Variants in EXOC6 observed in about 807,000 individuals in gnomAD.
EXOC6 encodes SEC15-like 1.
In EXOC6, 60 loss-of-function variants were observed where a neutral mutation model predicts 112.5. The ratio of observed to expected loss-of-function variants is 0.53; its 90% CI spans 0.43 to 0.66. The LOEUF (loss-of-function observed/expected upper bound fraction) is 0.66. EXOC6 is among the 30% of genes least tolerant of loss of function. The pLI is 0.00. For missense variants in EXOC6, 855 were observed against 957.1 expected (o/e 0.89, Z 1.41); for synonymous variants, 295 against 308.0 (o/e 0.96, Z 0.44).
intron 1 of EXOC6, among the ~76,000 whole-genome samples, chr10:92,849,410 A>T (rs1348630988): frequency 1.3e-5 from 2 of 152,248 alleles, no homozygotes; most frequent in African/African-American, 4.8e-5. Context: ...TAGGTAATGC[A>T]TATTCCATGC....
intron 1 of EXOC6, among the ~76,000 whole-genome samples, chr10:92,881,543 T>C (rs1332579677): frequency 2.6e-5 from 4 of 152,214 alleles, no homozygotes; most frequent in African/African-American, 9.6e-5. Flanking sequence ...CTGCACTTCA[T>C]TTTCAGTTTC....
chr10:92,881,368 C>T (rs551456286), intron 1 of EXOC6, among the ~76,000 whole-genome samples: 2 of 152,186 alleles, frequency 1.3e-5, no homozygotes, highest in African/African-American at 4.8e-5. Flanking sequence ...GAGTGTAGAC[C>T]CTTCCTCTTA....
chr10:92,902,888 G>C (rs1054718064), intron 5 of EXOC6, among the ~76,000 whole-genome samples: 1 of 151,864 alleles, frequency 6.6e-6, no homozygotes, highest in South Asian at 2.1e-4. Flanking sequence ...TTTAAAATTC[G>C]TCTGTGGTTG....
At chr10:92,851,411 C>T (rs1272127037) in intron 1 of EXOC6, among the ~76,000 whole-genome samples, 3 of 151,156 alleles carry the variant, frequency 2.0e-5, no homozygotes, top group Admixed American at 6.6e-5. Context: ...TTTGGGAGGC[C>T]GAGGCAGGCA....
At chr10:92,851,325 A>C (rs1847320527) in intron 1 of EXOC6, among the ~76,000 whole-genome samples, 1 of 152,156 alleles carries the variant, frequency 6.6e-6, no homozygotes, top group African/African-American at 2.4e-5. Context: ...ATAAACCTTT[A>C]GGGGTAGAAA....
At chr10:92,969,444 C>T (rs962683797) in intron 17 of EXOC6, among the ~76,000 whole-genome samples, 5 of 152,118 alleles carry the variant, frequency 3.3e-5, no homozygotes, top group Middle Eastern at 3.2e-3. Context: ...CCCATAGAAC[C>T]TGTGAGTATA....
chr10:92,919,894 A>G, intron 7 of EXOC6, 88 bp from the exon 8 acceptor site: 1 of 744,596 alleles, frequency 1.3e-6, no homozygotes, highest in South Asian at 2.2e-5. Flanking sequence ...AAGTTCATGA[A>G]TCTTCTTGCC....
intron 13 of EXOC6, 179 bp from the exon 14 acceptor site, chr10:92,948,095 G>C (rs1036705950): frequency 7.6e-5 from 37 of 487,006 alleles, no homozygotes; most frequent in Non-Finnish European, 1.2e-4. Context: ...TGAGGGACAA[G>C]ACCTATTTGT....
rs199848798 is a variant in EXOC6 at position 92,904,679 on chromosome 10, C to T, written c.459-4748C>T. On this transcript the variant is annotated intron_variant, in intron 5 of 21. Coordinates refer to ENST00000260762, the MANE Select transcript of EXOC6 (RefSeq NM_019053.6). ...AAGTGTGCTTTTTATATTTTGGATT[C>T]AAGTCCTTGATTCAATTTGTGTTTC... 2.0e-5 allele frequency among the ~76,000 whole-genome samples: 3 copies of T among 151,976 alleles called. No homozygotes were observed. In the East Asian group the frequency reaches 5.8e-4, roughly 29 times the overall value.
chr10:92,888,413 T>C (rs1012449149), intron 1 of EXOC6, among the ~76,000 whole-genome samples: 4 of 152,188 alleles, frequency 2.6e-5, no homozygotes, highest in African/African-American at 4.8e-5. Context: ...TTGAGAACTT[T>C]CTAAACTGAA....
Position 92,986,023 on chromosome 10 carries a change from T to C in EXOC6, c.1954-11451T>C, listed in dbSNP as rs1044383402. 2.0e-5 allele frequency among the ~76,000 whole-genome samples: 3 copies of C among 152,254 alleles called. No individual in the cohort carries two copies. The South Asian group carries it at 6.2e-4, about 32-fold the overall frequency. On this transcript the variant is annotated intron_variant, in intron 18 of 21. Coordinates refer to ENST00000260762, the MANE Select transcript of EXOC6 (RefSeq NM_019053.6). ...AAAATTGGTTTTTCTTACTTGAATG[T>C]TAATTTTTAAAAATTTATAATGGCA...
At chr10:92,960,958 C>T (rs558915345) in intron 17 of EXOC6, among the ~76,000 whole-genome samples, 50 of 152,166 alleles carry the variant, frequency 3.3e-4, no homozygotes, top group African/African-American at 1.1e-3. Flanking sequence ...AGAAACTTTT[C>T]TTTTGCTTTC....
At chr10:92,921,376 C>G (rs949336986) in intron 8 of EXOC6, among the ~76,000 whole-genome samples, 88 of 151,554 alleles carry the variant, frequency 5.8e-4, no homozygotes, top group Admixed American at 1.9e-3. Context: ...TCCCAAGTAG[C>G]TGGGTTTACA....
intron 9 of EXOC6, among the ~76,000 whole-genome samples, chr10:92,930,599 A>C (rs1383254294): frequency 6.6e-6 from 1 of 152,074 alleles, no homozygotes; most frequent in African/African-American, 2.4e-5. Context: ...ATATGCAAAA[A>C]ATGAATATTG....
intron 4 of EXOC6, among the ~76,000 whole-genome samples, chr10:92,896,097 G>GTATATATA (rs1269033984): frequency 5.1e-5 from 1 of 19,716 alleles, no homozygotes; most frequent in African/African-American, 4.0e-4. Flanking sequence ...ATATATATGT[G>GTATATATA]TGTATATATA....
At chr10:92,991,999 T>C (rs1361997426) in intron 18 of EXOC6, among the ~76,000 whole-genome samples, 1 of 152,098 alleles carries the variant, frequency 6.6e-6, no homozygotes, top group East Asian at 1.9e-4. Context: ...TTGTGGGTGT[T>C]AAAATGAGTA....
intron 8 of EXOC6, among the ~76,000 whole-genome samples, chr10:92,926,052 T>TAAA (rs146789374): frequency 2.1e-5 from 3 of 139,740 alleles, no homozygotes; most frequent in Non-Finnish European, 3.1e-5. Flanking sequence ...GTGGACTTTT[T>TAAA]AAAAAAAAAA....
At chr10:92,993,268 A>T (rs1843345649) in intron 18 of EXOC6, among the ~76,000 whole-genome samples, 1 of 152,122 alleles carries the variant, frequency 6.6e-6, no homozygotes, top group Non-Finnish European at 1.5e-5. Flanking sequence ...ACTTAAGTAA[A>T]AAAGTAGTTT....
At chr10:93,006,184 T>G (rs1843969229) in intron 19 of EXOC6, among the ~76,000 whole-genome samples, 1 of 150,210 alleles carries the variant, frequency 6.7e-6, no homozygotes, top group African/African-American at 2.5e-5. Context: ...ACAAGAAAGC[T>G]TAGCCAAAAA....
Sources: allele counts gnomAD v4.1 joint callset (sites outside exome capture counted in the v4.1 genomes callset), GRCh38; gene constraint gnomAD v4.1.1; transcripts MANE v1.5; gene names NCBI Gene and HGNC (gene_info 2026-07-23, HGNC 2026-07-21).